Variants in ATP8A2 observed in about 807,000 individuals in gnomAD.
ATP8A2 encodes the protein phospholipid-transporting ATPase IB.
ATP8A2 carries 100 observed loss-of-function variants against 165.6 expected under a neutral mutation model. That is an observed-to-expected ratio of 0.60 (90% CI 0.51 to 0.71). The LOEUF (loss-of-function observed/expected upper bound fraction) is 0.71, where lower values mean the gene tolerates loss of function less well. Among genes scored for constraint, ATP8A2 ranks in the 30% least tolerant of loss-of-function variants. The pLI is 0.00. For missense variants in ATP8A2, 1,227 were observed against 1,479.5 expected (o/e 0.83, Z 2.80); for synonymous variants, 543 against 548.8 (o/e 0.99, Z 0.15).
intron 33 of ATP8A2, among the ~76,000 whole-genome samples, chr13:25,865,915 T>G (rs1457868954): frequency 2.0e-5 from 3 of 151,936 alleles, no homozygotes; most frequent in Non-Finnish European, 2.9e-5. Flanking sequence ...CATGATGATG[T>G]TTTTTTTCCG....
chr13:25,810,913 TA>T (rs1334347438), intron 27 of ATP8A2, among the ~76,000 whole-genome samples: 2 of 152,192 alleles, frequency 1.3e-5, no homozygotes, highest in African/African-American at 4.8e-5. Flanking sequence ...TTTTGGAAAA[TA>T]AATATTAAAG....
chr13:25,530,716 G>A, intron 4 of ATP8A2, 56 bp downstream of exon 4: 1 of 1,072,730 alleles, frequency 9.3e-7, no homozygotes, highest in East Asian at 2.6e-5. Context: ...AATAACTTAT[G>A]TGTTGCCTCG....
intron 33 of ATP8A2, among the ~76,000 whole-genome samples, chr13:25,888,892 T>C (rs1399319247): frequency 6.6e-6 from 1 of 152,174 alleles, no homozygotes; most frequent in Non-Finnish European, 1.5e-5. Flanking sequence ...CATGGGGTCA[T>C]TTGTATAGAA....
chr13:25,665,017 G>C (rs1203607146), intron 24 of ATP8A2, among the ~76,000 whole-genome samples: 1 of 151,382 alleles, frequency 6.6e-6, no homozygotes, highest in African/African-American at 2.4e-5. Flanking sequence ...AAAAGCCGTC[G>C]AGACCAGGAG....
chr13:25,422,473 A>G (rs180763073), intron 1 of ATP8A2, among the ~76,000 whole-genome samples: 1 of 152,330 alleles, frequency 6.6e-6, no homozygotes, highest in East Asian at 1.9e-4. Flanking sequence ...TCTTCTGTCA[A>G]TAAACATCCT....
intron 1 of ATP8A2, among the ~76,000 whole-genome samples, chr13:25,429,366 C>T (rs1293952072): frequency 4.1e-5 from 4 of 96,972 alleles, no homozygotes; most frequent in East Asian, 3.7e-4. Flanking sequence ...AGTGTGACTC[C>T]ATCTTAAAAA....
At chr13:25,534,301 G>C in intron 6 of ATP8A2, 3 of 483,824 alleles carry the variant, frequency 6.2e-6, no homozygotes, top group South Asian at 4.6e-5. Flanking sequence ...GTTTGGAAAG[G>C]TCATGGTTCT....
intron 33 of ATP8A2, among the ~76,000 whole-genome samples, chr13:25,891,623 C>A (rs1953365073): frequency 6.6e-6 from 1 of 152,084 alleles, no homozygotes; most frequent in African/African-American, 2.4e-5. Flanking sequence ...TGTGCCCGGC[C>A]AGATCTGAGC....
chr13:25,803,110 C>T (rs1303486380), intron 27 of ATP8A2, among the ~76,000 whole-genome samples: 2 of 152,056 alleles, frequency 1.3e-5, no homozygotes, highest in Non-Finnish European at 2.9e-5. Flanking sequence ...TAACTGAAAT[C>T]ACATTGACAC....
At chr13:25,777,969 C>T (rs2044779724) in intron 27 of ATP8A2, among the ~76,000 whole-genome samples, 1 of 152,206 alleles carries the variant, frequency 6.6e-6, no homozygotes, top group African/African-American at 2.4e-5. Context: ...TTTATGTATA[C>T]AAACAAATCA....
chr13:25,876,895 G>T (rs532224784), intron 33 of ATP8A2, among the ~76,000 whole-genome samples: 2 of 152,170 alleles, frequency 1.3e-5, no homozygotes, highest in Admixed American at 1.3e-4. Context: ...TTCTAAGTGA[G>T]ATTTTAAAAT....
intron 35 of ATP8A2, among the ~76,000 whole-genome samples, chr13:25,995,329 C>A (rs1956474614): frequency 6.7e-6 from 1 of 149,820 alleles, no homozygotes; most frequent in Non-Finnish European, 1.5e-5. Flanking sequence ...AGTTTTTATT[C>A]TTAATGATTT....
intron 2 of ATP8A2, among the ~76,000 whole-genome samples, chr13:25,505,159 C>A (rs1438054889): frequency 8.0e-6 from 1 of 124,254 alleles, no homozygotes; most frequent in Non-Finnish European, 1.6e-5. Context: ...GATGATAAAA[C>A]TTCTATTAGA....
chr13:26,007,429 C>T (rs112083680), intron 35 of ATP8A2, among the ~76,000 whole-genome samples: 2,338 of 152,232 alleles, frequency 0.015, 65 homozygotes, highest in African/African-American at 0.053. Flanking sequence ...TTGTCATATC[C>T]TTTGCTGTTT....
At chr13:25,868,220 T>C (rs1952570265) in intron 33 of ATP8A2, 1 of 411,454 alleles carries the variant, frequency 2.4e-6, no homozygotes, top group Non-Finnish European at 4.9e-6. Flanking sequence ...TACAGATTGG[T>C]TTAAGGAGCT....
Position 25,945,231 on chromosome 13 carries a change from T to G in ATP8A2, c.3184-16344T>G, listed in dbSNP as rs9581489. On this transcript the variant is annotated intron_variant, in intron 33 of 36. Transcript: ENST00000381655. ...CTGTGCCCCCAGCAGTGTGTATGTA[T>G]GTGTGTGAATCGTTAGCCTGCAATG... Among the ~76,000 whole-genome samples the G allele has an allele frequency of 2.0e-3, 297 of 152,274 alleles. 1 individual carries two copies. Among genetic ancestry groups the G allele is most frequent in the African/African-American group, 7.0e-3 (289 of 41,548 alleles).
chr13:25,561,025 T>G (rs1182392788), intron 15 of ATP8A2, among the ~76,000 whole-genome samples: 2 of 151,962 alleles, frequency 1.3e-5, no homozygotes, highest in East Asian at 3.9e-4. Flanking sequence ...TAGCTGGGAC[T>G]ACAGGCGCCC....
At chr13:26,015,288 TGGTCCTG>T (rs1461264810) in intron 36 of ATP8A2, among the ~76,000 whole-genome samples, 1 of 152,196 alleles carries the variant, frequency 6.6e-6, no homozygotes, top group Non-Finnish European at 1.5e-5. Context: ...TGGTCAGAGC[TGGTCCTG>T]GGGTGCAGGA....
At chr13:25,385,980 T>C (rs1288023412) in intron 1 of ATP8A2, among the ~76,000 whole-genome samples, 1 of 151,828 alleles carries the variant, frequency 6.6e-6, no homozygotes, top group African/African-American at 2.4e-5. Flanking sequence ...TGGTTCGACC[T>C]TAGCGGTACA....
Sources: allele counts gnomAD v4.1 joint callset (sites outside exome capture counted in the v4.1 genomes callset), GRCh38; gene constraint gnomAD v4.1.1; transcripts MANE v1.5; gene names NCBI Gene and HGNC (gene_info 2026-07-23, HGNC 2026-07-21).